Variants in RHOT1 observed in about 807,000 individuals in gnomAD.
RHOT1 encodes the protein mitochondrial Rho GTPase 1.
RHOT1 carries 27 observed loss-of-function variants against 95.3 expected under a neutral mutation model. The ratio of observed to expected loss-of-function variants is 0.28; its 90% CI spans 0.21 to 0.39. RHOT1 has a LOEUF of 0.39. Ranked by LOEUF, RHOT1 falls within the 10% of genes least tolerant of loss-of-function variation. RHOT1 has a pLI of 1.00. For missense variants in RHOT1, 578 were observed against 786.7 expected (o/e 0.73, Z 3.17); for synonymous variants, 227 against 263.5 (o/e 0.86, Z 1.34).
chr17:32,172,636 C>T lies in RHOT1; in HGVS notation c.97-1195C>T, dbSNP rs992254039. 3.9e-5 allele frequency among the ~76,000 whole-genome samples: 6 copies of T among 152,244 alleles called. No homozygotes were observed. The East Asian group carries it at 5.8e-4, about 15-fold the overall frequency. ...TCACTTGAGGTCAGGAGTTCAAGAC[C>T]AGCCTGGCCAACATGGTGAAACCCC... On this transcript the variant is annotated intron_variant, in intron 2 of 19. Coordinates refer to ENST00000545287, the MANE Select transcript of RHOT1 (RefSeq NM_001033566.3).
chr17:32,149,924 A>G (rs2032076478), intron 1 of RHOT1, among the ~76,000 whole-genome samples: 1 of 151,294 alleles, frequency 6.6e-6, no homozygotes, highest in African/African-American at 2.4e-5. Context: ...AATTCTTTGT[A>G]TTTTTTTAGT....
At chr17:32,169,730 G>A (rs939024352) in intron 1 of RHOT1, among the ~76,000 whole-genome samples, 2 of 152,200 alleles carry the variant, frequency 1.3e-5, no homozygotes, top group Non-Finnish European at 2.9e-5. Flanking sequence ...TTAGGGCCAG[G>A]TGTGGTGGCT....
At chr17:32,219,010 T>C (rs1277512460) in intron 19 of RHOT1, among the ~76,000 whole-genome samples, 1 of 152,140 alleles carries the variant, frequency 6.6e-6, no homozygotes, top group African/African-American at 2.4e-5. Flanking sequence ...ATACCTGAGA[T>C]ATATATATGG....
At chr17:32,217,710 G>A (rs2038563824) in intron 19 of RHOT1, among the ~76,000 whole-genome samples, 1 of 148,546 alleles carries the variant, frequency 6.7e-6, no homozygotes, top group Non-Finnish European at 1.5e-5. Flanking sequence ...AGCCAAGATT[G>A]CACCACTGCA....
chr17:32,192,732 C>T (rs751092317), intron 9 of RHOT1, among the ~76,000 whole-genome samples: 9 of 147,498 alleles, frequency 6.1e-5, no homozygotes, highest in Admixed American at 2.8e-4. Context: ...AGTGCAATGG[C>T]GCCATCTCGG....
At chr17:32,216,995 A>G (rs1050028826) in intron 19 of RHOT1, among the ~76,000 whole-genome samples, 3 of 152,116 alleles carry the variant, frequency 2.0e-5, no homozygotes, top group African/African-American at 7.2e-5. Flanking sequence ...TATGTTATAG[A>G]TTTTCATTAA....
chr17:32,173,973 A>G, intron 3 of RHOT1, 61 bp downstream of exon 3: 1 of 1,147,710 alleles, frequency 8.7e-7, no homozygotes. Context: ...GAAAAAAGAT[A>G]CTTACTGAGC....
rs555551074 is a variant in RHOT1 at position 32,162,211 on chromosome 17, T to G, written c.38-8832T>G. ...CAGCTCCCATCCTGCTAGCATGCTC[T>G]GTTGCCCCCTCCTCCCCACGTGAGT... On this transcript the variant is annotated intron_variant, in intron 1 of 19. Transcript: ENST00000545287. 3.1e-3 allele frequency among the ~76,000 whole-genome samples: 470 copies of G among 152,230 alleles called. 1 individual carries two copies. The highest frequency in any genetic ancestry group is 0.014 in the Middle Eastern group (4 of 294).
At chr17:32,144,617 G>A (rs1411067561) in intron 1 of RHOT1, among the ~76,000 whole-genome samples, 1 of 152,062 alleles carries the variant, frequency 6.6e-6, no homozygotes, top group African/African-American at 2.4e-5. Flanking sequence ...GGAGGCTGAG[G>A]CAGGAGGATC....
At position 32,150,711 on chromosome 17, in the gene RHOT1, A is replaced by G. The variant is rs547294445; in HGVS notation, c.37+7982A>G. The G allele has an allele frequency of 5.8e-5, 93 of 1,604,260 alleles. No individual in the cohort carries two copies. In the African/African-American group the frequency reaches 1.0e-3, roughly 18 times the overall value. ...TGATTTGGGATATGTCATAGGCATC[A>G]GAGTACAAAGCAGGAACTGAGGCCA... On this transcript the variant is annotated intron_variant, in intron 1 of 19. Transcript: ENST00000545287.
At chr17:32,156,459 C>G (rs978954206) in intron 1 of RHOT1, among the ~76,000 whole-genome samples, 1 of 152,044 alleles carries the variant, frequency 6.6e-6, no homozygotes, top group Non-Finnish European at 1.5e-5. Flanking sequence ...TTGGTAGAGG[C>G]GGGGTCTCAC....
intron 11 of RHOT1, among the ~76,000 whole-genome samples, chr17:32,196,400 C>T (rs1482323605): frequency 6.6e-6 from 1 of 152,064 alleles, no homozygotes; most frequent in Non-Finnish European, 1.5e-5. Context: ...CTTTGTTGCC[C>T]AGGCTGGTTT....
At chr17:32,165,379 C>T (rs1347992084) in intron 1 of RHOT1, among the ~76,000 whole-genome samples, 3 of 147,394 alleles carry the variant, frequency 2.0e-5, no homozygotes, top group African/African-American at 5.0e-5. Context: ...AAAAATTAGC[C>T]AGGCATGGTG....
chr17:32,170,860 TA>T, intron 1 of RHOT1, among the ~76,000 whole-genome samples, 182 bp from the exon 2 acceptor site: 1 of 152,244 alleles, frequency 6.6e-6, no homozygotes, highest in African/African-American at 2.4e-5. Context: ...GGCAAGTTTT[TA>T]AAAAAGAGTA....
chr17:32,206,820 G>A (rs752111028), intron 16 of RHOT1, 90 bp from the exon 17 acceptor site: 2 of 920,500 alleles, frequency 2.2e-6, no homozygotes, highest in Non-Finnish European at 3.2e-6. Context: ...TTAAACTTAG[G>A]AAGTCCAGGG....
chr17:32,192,087 C>T (rs1032706872), intron 8 of RHOT1, 114 bp from the exon 9 acceptor site: 20 of 620,388 alleles, frequency 3.2e-5, no homozygotes, highest in Middle Eastern at 4.1e-4. Flanking sequence ...TGCTTTAGTT[C>T]ATTTTTCCAT....
chr17:32,177,345 C>T (rs1401213315), intron 6 of RHOT1, among the ~76,000 whole-genome samples: 1 of 152,190 alleles, frequency 6.6e-6, no homozygotes, highest in Non-Finnish European at 1.5e-5. Context: ...AGAGCATTTC[C>T]ATCATCATAG....
chr17:32,194,862 T>C (rs971250111), intron 11 of RHOT1, among the ~76,000 whole-genome samples: 6 of 147,406 alleles, frequency 4.1e-5, no homozygotes, highest in African/African-American at 1.5e-4. Context: ...GGAGTCTCGC[T>C]CTGTCACCCA....
chr17:32,174,731 C>T (rs1157465337), intron 3 of RHOT1, among the ~76,000 whole-genome samples: 5 of 152,114 alleles, frequency 3.3e-5, no homozygotes, highest in Non-Finnish European at 5.9e-5. Flanking sequence ...AATTGCTTTG[C>T]TCTTCAATTA....
Sources: allele counts gnomAD v4.1 joint callset (sites outside exome capture counted in the v4.1 genomes callset), GRCh38; gene constraint gnomAD v4.1.1; transcripts MANE v1.5; gene names NCBI Gene and HGNC (gene_info 2026-07-23, HGNC 2026-07-21).